Variants in SNRNP40 observed in about 807,000 individuals in gnomAD.
The protein encoded by SNRNP40 is small nuclear ribonucleoprotein U5 subunit 40, also known as U5 small nuclear ribonucleoprotein 40 kDa protein.
In SNRNP40, 21 loss-of-function variants were observed where a neutral mutation model predicts 45.8. The observed-to-expected ratio is 0.46, with a 90% CI of 0.32 to 0.66. SNRNP40 has a LOEUF of 0.66. SNRNP40 is among the 30% of genes least tolerant of loss of function. The probability of loss-of-function intolerance (pLI) is 0.03; values close to 1 mark genes in which losing one functional copy is unlikely to be tolerated. For synonymous variants in SNRNP40, 142 were observed against 163.8 expected, an observed-to-expected ratio of 0.87 and a Z score of 1.01; for missense variants, 344 against 439.1, an observed-to-expected ratio of 0.78 and a Z score of 1.94.
intron 9 of SNRNP40, 83 bp downstream of exon 9, chr1:31,261,446 A>G (rs1314733134): frequency 8.1e-6 from 7 of 862,576 alleles, no homozygotes; most frequent in South Asian, 1.5e-5. Flanking sequence ...TATAAAACAG[A>G]TACCCGCTTT....
chr1:31,281,208 T>C (rs1646014410), intron 5 of SNRNP40, among the ~76,000 whole-genome samples, 166 bp downstream of exon 5: 1 of 152,196 alleles, frequency 6.6e-6, no homozygotes, highest in South Asian at 2.1e-4. Context: ...CAAACTTTAA[T>C]TTAGGAAGTC....
chr1:31,282,865 A>G (rs956693859), intron 4 of SNRNP40, among the ~76,000 whole-genome samples: 17 of 152,144 alleles, frequency 1.1e-4, no homozygotes, highest in Middle Eastern at 3.4e-3. Context: ...TAGTAGAGAC[A>G]GGGTTTCGCC....
chr1:31,287,166 T>G (rs963822981), intron 4 of SNRNP40, among the ~76,000 whole-genome samples: 5 of 152,180 alleles, frequency 3.3e-5, no homozygotes, highest in Non-Finnish European at 7.3e-5. Context: ...ACTTGCAACC[T>G]AGTAACAAAA....
At chr1:31,278,662 A>C (rs1333943661) in intron 5 of SNRNP40, among the ~76,000 whole-genome samples, 1 of 152,166 alleles carries the variant, frequency 6.6e-6, no homozygotes. Context: ...ATGATGGAAA[A>C]GGGATGGGAA....
At chr1:31,286,518 A>C (rs1646060528) in intron 4 of SNRNP40, among the ~76,000 whole-genome samples, 1 of 151,898 alleles carries the variant, frequency 6.6e-6, no homozygotes, top group African/African-American at 2.4e-5. Context: ...TCCAGTCTGC[A>C]CTTCTCCAAG....
At position 31,276,269 on chromosome 1, in the gene SNRNP40, T is replaced by C. The variant is rs139475112; in HGVS notation, c.655-4770A>G. ...ACAAAGCTAGCAATTAATTGGCAAATTGCAAAATGATCCCAACTTCGCTTA... is the reference window on the plus strand; with the variant it reads ...ACAAAGCTAGCAATTAATTGGCAAACTGCAAAATGATCCCAACTTCGCTTA... On this transcript the variant is annotated intron_variant, in intron 5 of 9. Transcript: ENST00000263694. Among the ~76,000 whole-genome samples the C allele has an allele frequency of 2.8e-3, 426 of 152,254 alleles. 3 individuals carry two copies. Among genetic ancestry groups the C allele is most frequent in the Non-Finnish European group, 3.8e-3 (259 of 68,018 alleles).
chr1:31,293,099 A>T, intron 2 of SNRNP40, 120 bp downstream of exon 2: 1 of 1,045,628 alleles, frequency 9.6e-7, no homozygotes, highest in Non-Finnish European at 1.4e-6. Context: ...TTAGCATATT[A>T]GCCATGCAGC....
chr1:31,271,990 T>G (rs1216523619), intron 5 of SNRNP40, among the ~76,000 whole-genome samples: 1 of 152,108 alleles, frequency 6.6e-6, no homozygotes, highest in Non-Finnish European at 1.5e-5. Flanking sequence ...TAGATAAATA[T>G]AAACGAATGC....
At chr1:31,269,591 C>A in intron 6 of SNRNP40, 1 of 410,948 alleles carries the variant, frequency 2.4e-6, no homozygotes, top group Non-Finnish European at 4.2e-6. Context: ...TTCAATGTGA[C>A]AAACTAAATA....
chr1:31,273,357 A>T (rs1645952091), intron 5 of SNRNP40, among the ~76,000 whole-genome samples: 1 of 152,126 alleles, frequency 6.6e-6, no homozygotes, highest in African/African-American at 2.4e-5. Context: ...CCACAAAAAA[A>T]ATCTACAGCA....
At chr1:31,291,833 T>C (rs749931294) in intron 3 of SNRNP40, 80 bp downstream of exon 3, 2 of 973,236 alleles carry the variant, frequency 2.1e-6, no homozygotes, top group Non-Finnish European at 3.3e-6. Context: ...GATAGCAGGG[T>C]CTCCTGAGAA....
intron 6 of SNRNP40, 34 bp downstream of exon 6, chr1:31,271,345 T>C (rs1645936764): frequency 6.3e-7 from 1 of 1,593,436 alleles, no homozygotes; most frequent in Admixed American, 1.8e-5. Flanking sequence ...ACTTTTTCCT[T>C]GGATCCTGGG....
At chr1:31,269,913 T>TA (rs1645925075) in intron 6 of SNRNP40, among the ~76,000 whole-genome samples, 1 of 152,212 alleles carries the variant, frequency 6.6e-6, no homozygotes, top group South Asian at 2.1e-4. Context: ...TATTGACTGA[T>TA]ATGATTGAGA....
chr1:31,281,998 A>C (rs1646019605), intron 4 of SNRNP40: 1 of 152,598 alleles, frequency 6.6e-6, no homozygotes. Flanking sequence ...GAACTCTCAA[A>C]ACTAATCAAA....
At chr1:31,265,578 T>A (rs1023432296) in intron 8 of SNRNP40, among the ~76,000 whole-genome samples, 1 of 152,232 alleles carries the variant, frequency 6.6e-6, no homozygotes, top group African/African-American at 2.4e-5. Flanking sequence ...CAGTGGTTCA[T>A]GACTGTAATC....
At chr1:31,272,282 T>G (rs1459308505) in intron 5 of SNRNP40, among the ~76,000 whole-genome samples, 2 of 152,192 alleles carry the variant, frequency 1.3e-5, no homozygotes, top group East Asian at 3.8e-4. Flanking sequence ...TGTATGGATA[T>G]GTACATGCAC....
chr1:31,266,285 G>A (rs1316076596), intron 8 of SNRNP40, among the ~76,000 whole-genome samples: 2 of 152,210 alleles, frequency 1.3e-5, no homozygotes, highest in Non-Finnish European at 2.9e-5. Context: ...GCTAGCCCAA[G>A]AAAGTCTTCC....
intron 8 of SNRNP40, 79 bp from the exon 9 acceptor site, chr1:31,261,711 T>C: frequency 1.2e-6 from 1 of 822,702 alleles, no homozygotes; most frequent in African/African-American, 1.7e-5. Flanking sequence ...TTAAAGGAAA[T>C]GGAAGCAACA....
intron 2 of SNRNP40, chr1:31,292,967 G>A (rs1646117524): frequency 1.0e-5 from 5 of 476,514 alleles, no homozygotes; most frequent in Non-Finnish European, 1.9e-5. Context: ...TTGCCTCTAT[G>A]AGGAAGACAT....
Sources: allele counts gnomAD v4.1 joint callset (sites outside exome capture counted in the v4.1 genomes callset), GRCh38; gene constraint gnomAD v4.1.1; transcripts MANE v1.5; gene names NCBI Gene and HGNC (gene_info 2026-07-23, HGNC 2026-07-21).